Variants in POC1B observed in about 807,000 individuals in gnomAD.
POC1B encodes the protein POC1 centriolar protein homolog B.
Under a neutral mutation model 60.6 loss-of-function variants are expected in POC1B, and 44 were observed. The ratio of observed to expected loss-of-function variants is 0.73; its 90% CI spans 0.57 to 0.93. POC1B has a LOEUF of 0.93. Among genes scored for constraint, POC1B ranks in the 40% least tolerant of loss-of-function variants. POC1B has a pLI of 0.00. For missense variants in POC1B, 555 were observed against 572.3 expected, an observed-to-expected ratio of 0.97 and a Z score of 0.31; for synonymous variants, 180 against 198.9, an observed-to-expected ratio of 0.90 and a Z score of 0.80.
chr12:89,517,823 C>T (rs1870524939), intron 2 of POC1B, among the ~76,000 whole-genome samples: 1 of 152,088 alleles, frequency 6.6e-6, no homozygotes, highest in African/African-American at 2.4e-5. Flanking sequence ...TATGTATACC[C>T]AGAGCATAAA....
At chr12:89,431,698 T>C (rs764351630) in intron 10 of POC1B, among the ~76,000 whole-genome samples, 41 of 152,366 alleles carry the variant, frequency 2.7e-4, no homozygotes, top group Non-Finnish European at 5.1e-4. Context: ...TTAGCACCTA[T>C]GTGCCAGGCA....
chr12:89,446,148 T>C (rs1430873826), intron 10 of POC1B, among the ~76,000 whole-genome samples: 1 of 152,040 alleles, frequency 6.6e-6, no homozygotes, highest in Non-Finnish European at 1.5e-5. Flanking sequence ...ACTTTTACAC[T>C]GTTGGTGGGA....
chr12:89,440,432 A>C (rs1470539245), intron 10 of POC1B, among the ~76,000 whole-genome samples: 1 of 152,250 alleles, frequency 6.6e-6, no homozygotes, highest in Non-Finnish European at 1.5e-5. Flanking sequence ...CCATGGTCAG[A>C]TCCAAATATC....
At chr12:89,409,841 A>T in the POC1B span, among the ~76,000 whole-genome samples, 1 of 152,200 alleles carries the variant, frequency 6.6e-6, no homozygotes, top group East Asian at 1.9e-4. Context: ...AAAGCCAAGG[A>T]GCAGACAGAT....
chr12:89,482,201 A>G (rs1868386610), intron 4 of POC1B, among the ~76,000 whole-genome samples: 2 of 152,188 alleles, frequency 1.3e-5, no homozygotes, highest in South Asian at 4.1e-4. Flanking sequence ...GGAGAATCTC[A>G]CCAGAGAAAT....
intron 4 of POC1B, among the ~76,000 whole-genome samples, chr12:89,482,182 C>A (rs1311347040): frequency 1.3e-5 from 2 of 152,118 alleles, no homozygotes; most frequent in African/African-American, 2.4e-5. Context: ...GCATCATGGG[C>A]AAACCAATGG....
intron 4 of POC1B, among the ~76,000 whole-genome samples, chr12:89,478,737 A>G (rs372715864): frequency 2.0e-5 from 3 of 152,358 alleles, no homozygotes; most frequent in African/African-American, 7.2e-5. Context: ...TATATATTTT[A>G]CCACAATTTC....
At chr12:89,424,092 A>G (rs1880652966) in intron 11 of POC1B, among the ~76,000 whole-genome samples, 2 of 152,250 alleles carry the variant, frequency 1.3e-5, no homozygotes, top group Admixed American at 6.5e-5. Flanking sequence ...TATGATTTTC[A>G]TTGAGCAAAT....
intron 9 of POC1B, chr12:89,461,198 T>G (rs934941052): frequency 1.3e-5 from 2 of 152,144 alleles, no homozygotes; most frequent in Non-Finnish European, 2.9e-5. Flanking sequence ...TGTGTTGGGC[T>G]GGATTCAAAG....
intron 10 of POC1B, among the ~76,000 whole-genome samples, chr12:89,457,533 C>T (rs1002699806): frequency 1.3e-5 from 2 of 152,218 alleles, no homozygotes; most frequent in African/African-American, 4.8e-5. Flanking sequence ...TCCCAGATTA[C>T]AATCTACCTA....
chr12:89,430,058 T>C (rs1181870946), intron 10 of POC1B, among the ~76,000 whole-genome samples: 1 of 152,200 alleles, frequency 6.6e-6, no homozygotes, highest in Non-Finnish European at 1.5e-5. Context: ...TCACTATTCT[T>C]AAGTTCTTCT....
At chr12:89,402,878 C>A in the POC1B span, among the ~76,000 whole-genome samples, 2 of 151,682 alleles carry the variant, frequency 1.3e-5, no homozygotes, top group African/African-American at 4.8e-5. Flanking sequence ...AAATACCTGG[C>A]TAATTTTTGT....
At chr12:89,504,449 C>T (rs1390830447) in intron 2 of POC1B, among the ~76,000 whole-genome samples, 6 of 152,038 alleles carry the variant, frequency 3.9e-5, no homozygotes, top group Non-Finnish European at 7.4e-5. Flanking sequence ...CCTCAAGTAC[C>T]CAGGGACACA....
intron 1 of POC1B, chr12:89,525,560 T>TTC: frequency 2.3e-6 from 3 of 1,292,254 alleles, no homozygotes; most frequent in Non-Finnish European, 2.9e-6. Context: ...ACTTTTTTTT[T>TTC]TTTTAATACT....
intron 11 of POC1B, among the ~76,000 whole-genome samples, chr12:89,424,582 G>C (rs1158060484): frequency 6.6e-6 from 1 of 152,192 alleles, no homozygotes; most frequent in Non-Finnish European, 1.5e-5. Context: ...TGAATCAACA[G>C]AGTTGGAAGA....
rs1301718746 is a variant in POC1B at position 89,526,021 on chromosome 12, G to C, written c.-126C>G. ...TCTGCCCAGAGCGGCAGCGCCTCCCGGTCACTACAACAACGGCGGCCCAGT... is the reference window on the plus strand; with the variant it reads ...TCTGCCCAGAGCGGCAGCGCCTCCCCGTCACTACAACAACGGCGGCCCAGT... On this transcript the variant is annotated 5_prime_UTR_variant, in exon 1 of 12. Coordinates refer to ENST00000313546, the MANE Select transcript of POC1B (RefSeq NM_172240.3). 5 of 1,537,442 alleles carry C rather than the reference G, an allele frequency of 3.3e-6. No individual in the cohort carries two copies. Among genetic ancestry groups the C allele is most frequent in the Admixed American group, 2.0e-5 (1 of 50,906 alleles).
At chr12:89,486,114 G>T (rs775803166) in intron 4 of POC1B, among the ~76,000 whole-genome samples, 1 of 152,148 alleles carries the variant, frequency 6.6e-6, no homozygotes. Context: ...TATATTTGCT[G>T]TCTGTCTCTC....
chr12:89,502,460 G>T, intron 2 of POC1B: 1 of 1,210,248 alleles, frequency 8.3e-7, no homozygotes, highest in South Asian at 1.3e-5. Flanking sequence ...AGGAAGGCAA[G>T]AGAAAATATT....
chr12:89,504,148 G>A (rs1222686288), intron 2 of POC1B, among the ~76,000 whole-genome samples: 10 of 152,266 alleles, frequency 6.6e-5, no homozygotes, highest in East Asian at 1.9e-4. Flanking sequence ...GACGATGGCG[G>A]TTTTGTGGAA....
Sources: gnomAD v4.1 joint callset for allele counts (sites outside exome capture counted in the v4.1 genomes callset) on GRCh38, gnomAD v4.1.1 for gene constraint, MANE v1.5 for transcripts, NCBI Gene and HGNC (gene_info 2026-07-23, HGNC 2026-07-21) for gene names.